The following ACTN4 variants were observed in gnomAD, a reference collection of about 807,000 sequenced individuals.
ACTN4 encodes actinin alpha 4, also known as alpha-actinin-4.
In ACTN4, 18 loss-of-function variants were observed where a neutral mutation model predicts 114.2. That is an observed-to-expected ratio of 0.16 (90% CI 0.11 to 0.23). ACTN4 has a LOEUF of 0.23. Ranked by LOEUF, ACTN4 falls within the 10% of genes least tolerant of loss-of-function variation. ACTN4 has a pLI of 1.00. For synonymous variants in ACTN4, 515 were observed against 506.3 expected (o/e 1.02, Z -0.23); for missense variants, 722 against 1,262.9 (o/e 0.57, Z 6.49).
At chr19:38,676,353 C>T (rs953898591) in intron 1 of ACTN4, among the ~76,000 whole-genome samples, 29 of 152,154 alleles carry the variant, frequency 1.9e-4, no homozygotes, top group Admixed American at 1.2e-3. Context: ...TACTCATCCC[C>T]GATTATCTCA....
intron 1 of ACTN4, among the ~76,000 whole-genome samples, chr19:38,662,913 T>TG (rs1664452917): frequency 6.6e-6 from 1 of 151,664 alleles, no homozygotes; most frequent in Non-Finnish European, 1.5e-5. Flanking sequence ...GGGTCTGTTT[T>TG]TTTTTTTTTT....
intron 1 of ACTN4, among the ~76,000 whole-genome samples, chr19:38,661,943 C>T (rs549459536): frequency 7.1e-4 from 108 of 152,252 alleles, no homozygotes; most frequent in African/African-American, 2.4e-3. Context: ...TGAGCCACCG[C>T]GCCCGGCCTG....
chr19:38,685,165 C>T (rs952071887), intron 1 of ACTN4, among the ~76,000 whole-genome samples: 1 of 152,124 alleles, frequency 6.6e-6, no homozygotes, highest in African/African-American at 2.4e-5. Flanking sequence ...GGGATGGTCT[C>T]GAACTCCTGA....
At chr19:38,693,720 C>T (rs34843929) in intron 1 of ACTN4, 8,293 of 152,318 alleles carry the variant, frequency 0.054, 225 homozygotes, top group South Asian at 0.085. Context: ...CACATCCTGG[C>T]GGCTGGGAGG....
intron 1 of ACTN4, among the ~76,000 whole-genome samples, chr19:38,694,436 T>A (rs1182364955): frequency 6.6e-6 from 1 of 152,020 alleles, no homozygotes; most frequent in Non-Finnish European, 1.5e-5. Context: ...ATTTTTGTAT[T>A]TTTAGTAGAG....
chr19:38,696,383 A>G (rs912417311), intron 1 of ACTN4, among the ~76,000 whole-genome samples: 2 of 152,098 alleles, frequency 1.3e-5, no homozygotes, highest in Non-Finnish European at 2.9e-5. Flanking sequence ...AGAATTTTGC[A>G]TGGTGGAGGG....
rs946011693 is a variant in ACTN4, at chr19:38,727,178, C to G, written c.2337+75C>G. 164 of 1,606,358 alleles carry G rather than the reference C, an allele frequency of 1.0e-4. No individual in the cohort carries two copies. The highest frequency in any genetic ancestry group is 1.3e-4 in the Non-Finnish European group (157 of 1,175,596). On this transcript the variant is annotated intron_variant, in intron 18 of 20. Coordinates refer to ENST00000252699, the MANE Select transcript of ACTN4 (RefSeq NM_004924.6). The surrounding 1 kb of genome is among the most constrained non-coding windows in gnomAD (Gnocchi z 5.4). Reference sequence around the variant, plus strand: ...CCAGCCCACACCTTCGTCTCTGCATCTGTTCGTCCATTCCCATCACAGTTG... The same window carrying G: ...CCAGCCCACACCTTCGTCTCTGCATGTGTTCGTCCATTCCCATCACAGTTG...
chr19:38,709,812 C>A (rs560926960), intron 7 of ACTN4, among the ~76,000 whole-genome samples: 60 of 152,164 alleles, frequency 3.9e-4, no homozygotes, highest in Non-Finnish European at 7.1e-4. Flanking sequence ...AGGCTTCCTG[C>A]GAGCAACCCT....
intron 1 of ACTN4, among the ~76,000 whole-genome samples, chr19:38,677,570 GC>G (rs1421010425): frequency 6.6e-6 from 1 of 151,802 alleles, no homozygotes; most frequent in South Asian, 2.1e-4. Flanking sequence ...GACCGCCCAG[GC>G]CCCACTCACC....
rs770338772 is a variant in ACTN4 at position 38,727,969 on chromosome 19, C to G, written c.2361C>G (p.Pro787=). 6 of 1,612,394 alleles carry G rather than the reference C, an allele frequency of 3.7e-6. No individual in the cohort carries two copies. Among genetic ancestry groups the G allele is most frequent in the African/African-American group, 1.3e-5 (1 of 74,854 alleles). The part of the protein sequence containing the change: ...FDKDHGGALG[P]EEFKACLISL... ...AGGATCATGGCGGGGCGCTGGGGCC[C>G]GAGGAGTTCAAGGCCTGCCTCATCA... Residue 787 remains proline (P), a synonymous_variant, in exon 19 of 21, where the codon CCC becomes CCG. Coordinates refer to ENST00000252699, the MANE Select transcript of ACTN4 (RefSeq NM_004924.6). This position sits in a 1 kb window ranked among gnomAD's most constrained non-coding sequence, Gnocchi z 5.4.
At chr19:38,667,810 C>T (rs1363108688) in intron 1 of ACTN4, among the ~76,000 whole-genome samples, 1 of 152,022 alleles carries the variant, frequency 6.6e-6, no homozygotes, top group Non-Finnish European at 1.5e-5. Context: ...CTGGAGCGTC[C>T]CTGAAAAAAG....
intron 1 of ACTN4, among the ~76,000 whole-genome samples, chr19:38,679,450 T>C (rs1267614937): frequency 6.6e-6 from 1 of 152,160 alleles, no homozygotes; most frequent in South Asian, 2.1e-4. Context: ...GTGGGACTCC[T>C]TTGTACCTGT....
chr19:38,663,469 A>T (rs959839912), intron 1 of ACTN4, among the ~76,000 whole-genome samples: 2 of 152,210 alleles, frequency 1.3e-5, no homozygotes, highest in Admixed American at 6.5e-5. Context: ...TAAACGGCAC[A>T]CCGACAAGCT....
Position 38,725,864 on chromosome 19 carries a change from C to G in ACTN4, c.2151C>G (p.Ala717=), listed in dbSNP as rs202081751. 21 of 1,614,148 alleles carry G rather than the reference C, an allele frequency of 1.3e-5. No individual in the cohort carries two copies. In the East Asian group the frequency reaches 4.7e-4, roughly 36 times the overall value. The change falls in exon 17 of 21, where the codon GCC becomes GCG. Residue 717 remains alanine (A), a synonymous_variant. Transcript: ENST00000252699. ...AGCAGCACCAGCTCATCCAGGAGGC[C>G]CTCATCTTCGACAACAAGCACACCA... ...LEQQHQLIQE[A]LIFDNKHTNY...
At chr19:38,703,522 G>A (rs1239137301) in intron 3 of ACTN4, among the ~76,000 whole-genome samples, 1 of 152,168 alleles carries the variant, frequency 6.6e-6, no homozygotes, top group Non-Finnish European at 1.5e-5. Context: ...CTAAACAGGC[G>A]TGAGCCACCA....
At chr19:38,715,052 G>A (rs752487789) in intron 9 of ACTN4, among the ~76,000 whole-genome samples, 1 of 152,180 alleles carries the variant, frequency 6.6e-6, no homozygotes, top group African/African-American at 2.4e-5. Context: ...GGTCAGGCAC[G>A]TGCCTGCTGT....
At chr19:38,718,171 A>C in intron 11 of ACTN4, 97 bp downstream of exon 11, 1 of 1,539,748 alleles carries the variant, frequency 6.5e-7, no homozygotes, top group Non-Finnish European at 8.8e-7. Context: ...GCCCCCTGCC[A>C]CGTTGGGTCT....
At chr19:38,688,597 G>A (rs945427429) in intron 1 of ACTN4, among the ~76,000 whole-genome samples, 1 of 151,282 alleles carries the variant, frequency 6.6e-6, no homozygotes, top group African/African-American at 2.4e-5. Context: ...TGAGAAATTG[G>A]CCAGGTGTAG....
chr19:38,684,446 C>A (rs1193989264), intron 1 of ACTN4, among the ~76,000 whole-genome samples: 1 of 152,206 alleles, frequency 6.6e-6, no homozygotes, highest in Non-Finnish European at 1.5e-5. Context: ...CCCCCACCCC[C>A]TGCAGGACAA....
Sources: gnomAD v4.1 joint callset for allele counts (sites outside exome capture counted in the v4.1 genomes callset) on GRCh38, gnomAD v4.1.1 for gene constraint, Gnocchi (gnomAD v3.1) non-coding constraint, MANE v1.5 for transcripts, NCBI Gene and HGNC (gene_info 2026-07-23, HGNC 2026-07-21) for gene names.